Variants in FSTL5 observed in about 807,000 individuals in gnomAD.
FSTL5 encodes follistatin-related protein 5.
A neutral mutation model predicts 89.1 loss-of-function variants in FSTL5; 62 were observed. That is an observed-to-expected ratio of 0.70 (90% confidence interval 0.57 to 0.86). FSTL5 has a LOEUF of 0.86. FSTL5 is among the 40% of genes least tolerant of loss of function. The pLI is 0.00. For synonymous variants in FSTL5, 383 were observed against 346.2 expected (o/e 1.11, Z -1.18); for missense variants, 1,057 against 1,001.6 (o/e 1.06, Z -0.75).
chr4:161,857,445 C>T (rs978477693), intron 4 of FSTL5, among the ~76,000 whole-genome samples: 1 of 151,978 alleles, frequency 6.6e-6, no homozygotes, highest in Non-Finnish European at 1.5e-5. Flanking sequence ...AATTATTTGT[C>T]GTATTCTTAA....
At chr4:162,044,921 T>C (rs1294664871) in intron 2 of FSTL5, among the ~76,000 whole-genome samples, 2 of 152,190 alleles carry the variant, frequency 1.3e-5, no homozygotes, top group African/African-American at 4.8e-5. Context: ...ATGCTTTGGC[T>C]TGGGGGGAGG....
At chr4:161,484,866 G>A (rs1421144577) in intron 12 of FSTL5, among the ~76,000 whole-genome samples, 3 of 152,108 alleles carry the variant, frequency 2.0e-5, no homozygotes, top group Non-Finnish European at 2.9e-5. Context: ...TGTCATAAAA[G>A]GTTCTTTCAT....
chr4:162,148,810 C>G (rs1733111706), intron 1 of FSTL5, among the ~76,000 whole-genome samples: 1 of 152,100 alleles, frequency 6.6e-6, no homozygotes, highest in African/African-American at 2.4e-5. Flanking sequence ...AAGAAGTGAT[C>G]AACCATTTTT....
chr4:161,876,405 C>T (rs1732444376), intron 4 of FSTL5, among the ~76,000 whole-genome samples: 2 of 152,178 alleles, frequency 1.3e-5, no homozygotes. Flanking sequence ...ATTAGATTAG[C>T]ACTGTATACC....
intron 6 of FSTL5, among the ~76,000 whole-genome samples, chr4:161,755,049 AG>A (rs1740523955): frequency 6.6e-6 from 1 of 152,096 alleles, no homozygotes; most frequent in Non-Finnish European, 1.5e-5. Context: ...CTACCTTACC[AG>A]AGAATTTGGT....
chr4:161,931,198 T>A (rs1046378816), intron 3 of FSTL5, among the ~76,000 whole-genome samples: 34 of 151,844 alleles, frequency 2.2e-4, no homozygotes, highest in Non-Finnish European at 4.6e-4. Context: ...GAGAAGATGA[T>A]AATAGCCTTG....
intron 4 of FSTL5, among the ~76,000 whole-genome samples, chr4:161,828,107 G>A (rs1026894364): frequency 1.3e-5 from 2 of 152,182 alleles, no homozygotes; most frequent in Non-Finnish European, 2.9e-5. Context: ...CTTCCCTGGG[G>A]ACTGAGAGAG....
intron 2 of FSTL5, among the ~76,000 whole-genome samples, chr4:162,101,951 T>A (rs1482344512): frequency 6.6e-6 from 1 of 152,216 alleles, no homozygotes; most frequent in East Asian, 1.9e-4. Flanking sequence ...GTCATTCACC[T>A]ATTTTTAACT....
At chr4:161,711,429 G>T (rs1400140466) in intron 6 of FSTL5, among the ~76,000 whole-genome samples, 1 of 151,900 alleles carries the variant, frequency 6.6e-6, no homozygotes, top group Non-Finnish European at 1.5e-5. Flanking sequence ...CAATTGCTTA[G>T]AAATACTTGA....
chr4:161,406,090 A>C (rs1731365461), intron 15 of FSTL5, among the ~76,000 whole-genome samples: 1 of 152,206 alleles, frequency 6.6e-6, no homozygotes. Context: ...AATCCTATAA[A>C]AACAGAAACT....
chr4:161,679,517 G>A (rs552929326), intron 6 of FSTL5, among the ~76,000 whole-genome samples: 1 of 151,906 alleles, frequency 6.6e-6, no homozygotes, highest in African/African-American at 2.4e-5. Flanking sequence ...ATGAACATGT[G>A]CTAGTTATTC....
intron 6 of FSTL5, among the ~76,000 whole-genome samples, chr4:161,731,853 G>T (rs1739623173): frequency 6.6e-6 from 1 of 151,790 alleles, no homozygotes; most frequent in Non-Finnish European, 1.5e-5. Context: ...TTGCCAAGTG[G>T]CATTTTGTTG....
chr4:161,450,130 A>G (rs1733110673), intron 15 of FSTL5, among the ~76,000 whole-genome samples: 1 of 152,142 alleles, frequency 6.6e-6, no homozygotes, highest in South Asian at 2.1e-4. Context: ...TTTCATGGAA[A>G]AATTTCATGG....
intron 10 of FSTL5, among the ~76,000 whole-genome samples, chr4:161,518,204 C>T (rs1162252907): frequency 2.0e-5 from 3 of 152,156 alleles, no homozygotes; most frequent in Non-Finnish European, 4.4e-5. Flanking sequence ...CTGCAGTGCC[C>T]AGCTTACATT....
chr4:161,400,455 T>C (rs932569476), intron 15 of FSTL5, among the ~76,000 whole-genome samples: 7 of 152,060 alleles, frequency 4.6e-5, no homozygotes, highest in Admixed American at 3.3e-4. Context: ...GATGCTTCAG[T>C]AAAAAGACTC....
intron 3 of FSTL5, among the ~76,000 whole-genome samples, chr4:161,934,492 T>C (rs359500): frequency 0.073 from 11,056 of 152,164 alleles, 1,114 homozygotes; most frequent in African/African-American, 0.23. Flanking sequence ...ATAACTCATA[T>C]GTAACTTTTT....
intron 10 of FSTL5, among the ~76,000 whole-genome samples, chr4:161,518,349 A>C (rs1372775375): frequency 6.6e-6 from 1 of 152,232 alleles, no homozygotes; most frequent in Non-Finnish European, 1.5e-5. Context: ...ATCAGAGAGA[A>C]CAGGAGCTTT....
intron 3 of FSTL5, among the ~76,000 whole-genome samples, chr4:161,993,857 A>G (rs1264485376): frequency 6.6e-6 from 1 of 152,152 alleles, no homozygotes; most frequent in Non-Finnish European, 1.5e-5. Flanking sequence ...ATGATTGACT[A>G]AAAATATTGA....
At chr4:161,681,971 C>A (rs1737540272) in intron 6 of FSTL5, among the ~76,000 whole-genome samples, 1 of 152,122 alleles carries the variant, frequency 6.6e-6, no homozygotes, top group African/African-American at 2.4e-5. Flanking sequence ...GACTACTATA[C>A]ACCTGCAGTA....
Sources: gnomAD v4.1 joint callset for allele counts (sites outside exome capture counted in the v4.1 genomes callset) on GRCh38, gnomAD v4.1.1 for gene constraint, MANE v1.5 for transcripts, NCBI Gene and HGNC (gene_info 2026-07-23, HGNC 2026-07-21) for gene names.